The following COL13A1 variants were observed in gnomAD, a reference collection of about 807,000 sequenced individuals.
The protein encoded by COL13A1 is collagen alpha-1(XIII) chain.
COL13A1 carries 89 observed loss-of-function variants against 130.9 expected under a neutral mutation model. That is an observed-to-expected ratio of 0.68 (90% confidence interval 0.57 to 0.81). The LOEUF is 0.81. Among genes scored for constraint, COL13A1 ranks in the 30% least tolerant of loss-of-function variants. The pLI, the probability that COL13A1 is intolerant of heterozygous loss-of-function variation, is 0.00. For missense variants in COL13A1, 879 were observed against 934.6 expected, an observed-to-expected ratio of 0.94 and a Z score of 0.78; for synonymous variants, 402 against 341.6, an observed-to-expected ratio of 1.18 and a Z score of -1.95.
rs760231034 is a variant in COL13A1, at chr10:69,957,056, T to C, written c.2184+14T>C. The C allele has an allele frequency of 9.9e-6, 16 of 1,609,776 alleles. No homozygotes were observed. The South Asian group carries it at 1.3e-4, about 13-fold the overall frequency. ...TGCTGGAACAAGGTAAGGCTTCCCA[T>C]TGGTGTGCACTGGGGCTCCGTTCTC... On this transcript the variant is annotated intron_variant, in intron 40 of 40. Coordinates refer to ENST00000645393, the MANE Select transcript of COL13A1 (RefSeq NM_001368882.1).
chr10:69,910,826 G>T (rs1245295152), intron 17 of COL13A1, among the ~76,000 whole-genome samples: 3 of 152,258 alleles, frequency 2.0e-5, no homozygotes, highest in Non-Finnish European at 2.9e-5. Context: ...AAAACCTGGT[G>T]AGAGCTTATC....
intron 2 of COL13A1, among the ~76,000 whole-genome samples, chr10:69,852,723 T>A (rs1855255449): frequency 6.6e-6 from 1 of 151,842 alleles, no homozygotes; most frequent in African/African-American, 2.4e-5. Context: ...GCGCCAAGAG[T>A]GGCCTGCAGG....
Position 69,904,973 on chromosome 10 carries a change from T to C in COL13A1, c.885+14T>C, listed in dbSNP as rs763286104. 1 of 1,561,888 alleles carries C rather than the reference T, an allele frequency of 6.4e-7. No homozygotes were observed. The highest frequency in any genetic ancestry group is 1.2e-5 in the South Asian group (1 of 84,866). On this transcript the variant is annotated intron_variant, in intron 16 of 40. Transcript: ENST00000645393. ...CCTGGACCAAAGGTGAGTGTCCTTC[T>C]GGGTGATGTGTTGAACAGGTGGGAG...
intron 4 of COL13A1, among the ~76,000 whole-genome samples, chr10:69,872,871 T>G (rs764933744): frequency 6.6e-6 from 1 of 152,222 alleles, no homozygotes; most frequent in African/African-American, 2.4e-5. Context: ...CTGTCCAAGC[T>G]TCAGGTGGGG....
intron 1 of COL13A1, among the ~76,000 whole-genome samples, 166 bp downstream of exon 1, chr10:69,802,883 G>C (rs1840426428): frequency 5.9e-5 from 9 of 152,230 alleles, no homozygotes; most frequent in Admixed American, 5.9e-4. Context: ...TGCCCTACCA[G>C]GGATTCGGAG....
chr10:69,846,027 C>A (rs976276364), intron 2 of COL13A1, among the ~76,000 whole-genome samples: 2 of 152,280 alleles, frequency 1.3e-5, no homozygotes, highest in Non-Finnish European at 2.9e-5. Flanking sequence ...AAGGCCAGTG[C>A]CCAGGCAGTC....
At chr10:69,925,721 G>T in intron 25 of COL13A1, 83 bp from the exon 26 acceptor site, 5 of 1,004,656 alleles carry the variant, frequency 5.0e-6, no homozygotes, top group Non-Finnish European at 7.6e-6. Flanking sequence ...TGCAGCCAGT[G>T]TGGGCTGATA....
chr10:69,849,789 C>A (rs1406527135), intron 2 of COL13A1, among the ~76,000 whole-genome samples: 1 of 152,196 alleles, frequency 6.6e-6, no homozygotes, highest in East Asian at 1.9e-4. Context: ...ATGTCCCCAG[C>A]CACTTTCCAG....
intron 37 of COL13A1, 148 bp downstream of exon 37, chr10:69,945,872 A>T: frequency 2.0e-6 from 2 of 986,166 alleles, no homozygotes; most frequent in East Asian, 5.4e-5. Flanking sequence ...GGAGATCAAG[A>T]CTATCCTGGC....
intron 9 of COL13A1, 115 bp from the exon 10 acceptor site, chr10:69,889,299 G>C: frequency 1.6e-6 from 2 of 1,237,322 alleles, no homozygotes; most frequent in Non-Finnish European, 2.3e-6. Flanking sequence ...AGGGGACAGG[G>C]AGGAGCACGG....
chr10:69,935,871 C>T (rs1446262904), intron 32 of COL13A1, among the ~76,000 whole-genome samples: 3 of 151,242 alleles, frequency 2.0e-5, no homozygotes, highest in African/African-American at 7.3e-5. Flanking sequence ...ATTAGCTGGG[C>T]GTGGTGGCAC....
rs765382674 is a variant in COL13A1 at position 69,894,661 on chromosome 10, C to A, written c.631-14C>A. 4 of 1,614,044 alleles carry A rather than the reference C, an allele frequency of 2.5e-6. No individual in the cohort carries two copies. The highest frequency in any genetic ancestry group is 3.4e-6 in the Non-Finnish European group (4 of 1,179,904). On this transcript the variant is annotated splice_polypyrimidine_tract_variant and intron_variant, in intron 11 of 40. Transcript: ENST00000645393. ...GCTTTGGTTTCTAACTCTCTCATCT[C>A]CGTCTCTTTGTAGGGACCCCAGGGA...
intron 39 of COL13A1, 191 bp from the exon 40 acceptor site, chr10:69,956,813 T>G (rs1048376473): frequency 3.4e-6 from 2 of 591,446 alleles, no homozygotes. Context: ...TAACCAATGG[T>G]AAAATAGCCG....
intron 5 of COL13A1, among the ~76,000 whole-genome samples, chr10:69,876,148 C>G (rs930642635): frequency 2.6e-5 from 4 of 152,236 alleles, no homozygotes; most frequent in Non-Finnish European, 5.9e-5. Flanking sequence ...TGTTAGCTTA[C>G]TCAGACTTCA....
At chr10:69,851,171 T>C (rs962892686) in intron 2 of COL13A1, among the ~76,000 whole-genome samples, 2 of 152,192 alleles carry the variant, frequency 1.3e-5, no homozygotes, top group African/African-American at 4.8e-5. Context: ...GCTTCACAAC[T>C]GTAGATTCGA....
At chr10:69,809,099 C>A (rs1017907353) in intron 1 of COL13A1, among the ~76,000 whole-genome samples, 1 of 152,142 alleles carries the variant, frequency 6.6e-6, no homozygotes, top group Admixed American at 6.5e-5. Flanking sequence ...TTTACAGAGT[C>A]GGGGGGTGGC....
rs2274180 is a variant in COL13A1 at position 69,921,774 on chromosome 10, C to T, written c.1090-108C>T. 5.4e-5 allele frequency: 77 copies of T among 1,429,868 alleles called. No individual in the cohort carries two copies. In the Middle Eastern group the frequency reaches 8.8e-4, roughly 16 times the overall value. 88.6% of individuals were successfully genotyped at this position (1,429,868 alleles called of 1,614,324 possible). On this transcript the variant is annotated intron_variant, in intron 21 of 40. Transcript: ENST00000645393. The stretch of plus-strand genomic sequence containing the variant: ...GAAAGCCAGCTGGGGGCAGGGGCAC[C>T]GAGGCAGGAGCAAGGGAAGGCAAGG...
chr10:69,814,588 G>A (rs767364324), intron 1 of COL13A1, among the ~76,000 whole-genome samples: 16 of 152,198 alleles, frequency 1.1e-4, no homozygotes, highest in African/African-American at 2.4e-4. Flanking sequence ...GCTGTCTTGC[G>A]TAGTCTAGCA....
chr10:69,893,911 G>C (rs572678235), intron 10 of COL13A1, among the ~76,000 whole-genome samples: 2 of 152,322 alleles, frequency 1.3e-5, no homozygotes, highest in East Asian at 1.9e-4. Context: ...CCTCCTAAGA[G>C]AGCCAGAGCA....
Sources: gnomAD v4.1 joint callset for allele counts (sites outside exome capture counted in the v4.1 genomes callset) on GRCh38, gnomAD v4.1.1 for gene constraint, MANE v1.5 for transcripts, NCBI Gene and HGNC (gene_info 2026-07-23, HGNC 2026-07-21) for gene names.